The following ADGRL3 variants were observed in gnomAD, a reference collection of about 807,000 sequenced individuals.
ADGRL3 encodes the protein adhesion G protein-coupled receptor L3.
A neutral mutation model predicts 153.5 loss-of-function variants in ADGRL3; 62 were observed. The ratio of observed to expected loss-of-function variants is 0.40; its 90% confidence interval spans 0.33 to 0.50. ADGRL3 has a LOEUF of 0.50. ADGRL3 is among the 20% of genes least tolerant of loss of function. ADGRL3 has a pLI of 0.47. For synonymous variants in ADGRL3, 710 were observed against 672.5 expected, an observed-to-expected ratio of 1.06 and a Z score of -0.86; for missense variants, 1,641 against 1,859.4, an observed-to-expected ratio of 0.88 and a Z score of 2.16.
chr4:61,910,068 T>G (rs2098715269), intron 12 of ADGRL3, among the ~76,000 whole-genome samples: 1 of 152,094 alleles, frequency 6.6e-6, no homozygotes. Flanking sequence ...CTTTTTTCTT[T>G]CAAACTTTTA....
intron 23 of ADGRL3, among the ~76,000 whole-genome samples, chr4:62,034,589 A>G (rs2151549196): frequency 6.6e-6 from 1 of 151,980 alleles, no homozygotes; most frequent in African/African-American, 2.4e-5. Flanking sequence ...GTTAGGAGGT[A>G]CTTTTTCTTT....
intron 2 of ADGRL3, among the ~76,000 whole-genome samples, chr4:61,472,329 T>G (rs1015243968): frequency 6.6e-6 from 1 of 152,100 alleles, no homozygotes; most frequent in African/African-American, 2.4e-5. Flanking sequence ...AATCTGGATG[T>G]TACTTAACTA....
chr4:61,791,687 C>A (rs774076218), intron 8 of ADGRL3, among the ~76,000 whole-genome samples: 1 of 152,220 alleles, frequency 6.6e-6, no homozygotes, highest in African/African-American at 2.4e-5. Context: ...TCCATGTGGG[C>A]CACACCCCTG....
chr4:61,256,677 G>A (rs756530588), intron 1 of ADGRL3, among the ~76,000 whole-genome samples: 20 of 151,980 alleles, frequency 1.3e-4, no homozygotes, highest in South Asian at 4.2e-4. Flanking sequence ...CGAATGATTC[G>A]CTTTATGTTA....
chr4:61,374,863 C>T (rs979143764), intron 1 of ADGRL3, among the ~76,000 whole-genome samples: 1 of 151,890 alleles, frequency 6.6e-6, no homozygotes, highest in African/African-American at 2.4e-5. Flanking sequence ...AGTTAGAATA[C>T]ATTTATTGAT....
At chr4:61,542,152 T>A (rs1046412181) in intron 4 of ADGRL3, among the ~76,000 whole-genome samples, 1 of 152,174 alleles carries the variant, frequency 6.6e-6, no homozygotes, top group African/African-American at 2.4e-5. Context: ...TCTCATAAAA[T>A]GTTTAAGCTA....
intron 25 of ADGRL3, among the ~76,000 whole-genome samples, chr4:62,067,503 G>A (rs986622067): frequency 2.6e-5 from 4 of 151,970 alleles, no homozygotes; most frequent in African/African-American, 9.6e-5. Flanking sequence ...ATAAATAAAT[G>A]TAACCTTTTT....
chr4:61,495,693 C>G (rs1395218414), intron 2 of ADGRL3, among the ~76,000 whole-genome samples: 1 of 152,122 alleles, frequency 6.6e-6, no homozygotes, highest in African/African-American at 2.4e-5. Flanking sequence ...GGCAACTACA[C>G]TAGTTTGGTT....
rs1459920166 is a variant in ADGRL3, at chr4:61,469,285, G to A, written c.-173-27836G>A. The stretch of plus-strand genomic sequence containing the variant: ...TGTTTTGTGCCCAGTTTCCTCACCT[G>A]TAAAGTCAACTGATAATAACAGTGT... On this transcript the variant is annotated intron_variant, in intron 2 of 26. Transcript: ENST00000683033. Among the ~76,000 whole-genome samples the A allele has an allele frequency of 3.9e-5, 6 of 152,202 alleles. No homozygotes were observed. In the East Asian group the frequency reaches 1.2e-3, roughly 29 times the overall value.
chr4:61,770,089 C>G (rs2152298744), intron 8 of ADGRL3, among the ~76,000 whole-genome samples: 1 of 152,262 alleles, frequency 6.6e-6, no homozygotes, highest in African/African-American at 2.4e-5. Context: ...GAGTTTTATT[C>G]TAAAATTTTA....
chr4:61,483,455 A>G (rs1374596969), intron 2 of ADGRL3, among the ~76,000 whole-genome samples: 1 of 152,160 alleles, frequency 6.6e-6, no homozygotes, highest in East Asian at 1.9e-4. Context: ...AGAAAATTAA[A>G]GGCCTGGCGC....
intron 1 of ADGRL3, among the ~76,000 whole-genome samples, chr4:61,247,754 A>G (rs1056186748): frequency 3.3e-5 from 5 of 151,998 alleles, no homozygotes; most frequent in Admixed American, 3.3e-4. Flanking sequence ...TTTATGAGAA[A>G]TTGTTATTTT....
chr4:62,060,970 T>C (rs982016997), intron 25 of ADGRL3, among the ~76,000 whole-genome samples: 2 of 151,940 alleles, frequency 1.3e-5, no homozygotes, highest in African/African-American at 4.8e-5. Context: ...AAATACAGGA[T>C]GCAATCACAT....
chr4:61,914,091 G>T (rs1310920359), intron 13 of ADGRL3, among the ~76,000 whole-genome samples: 2 of 152,080 alleles, frequency 1.3e-5, no homozygotes, highest in Non-Finnish European at 1.5e-5. Flanking sequence ...ACACTTCAGA[G>T]GAATGAAAAT....
intron 2 of ADGRL3, among the ~76,000 whole-genome samples, chr4:61,471,182 T>C (rs906008960): frequency 3.3e-5 from 5 of 151,870 alleles, no homozygotes; most frequent in Admixed American, 6.6e-5. Flanking sequence ...TTTACTTGTT[T>C]ACTCTCTCAA....
Position 61,202,711 on chromosome 4 carries a change from A to G in ADGRL3, c.-240+946A>G, listed in dbSNP as rs976224402. On this transcript the variant is annotated intron_variant, in intron 1 of 26. Coordinates refer to ENST00000683033, the MANE Select transcript of ADGRL3 (RefSeq NM_001387552.1). This position sits in a 1 kb window ranked among gnomAD's most constrained non-coding sequence, Gnocchi z 5.0. Reference sequence around the variant, plus strand: ...CTCCGGTCCCACGTCGGAGCTCAGAAGCTTAGGGTGCCAGGCCCCCAGCAC... The same window carrying G: ...CTCCGGTCCCACGTCGGAGCTCAGAGGCTTAGGGTGCCAGGCCCCCAGCAC... Among the ~76,000 whole-genome samples, 105 of 152,012 alleles carry G rather than the reference A, an allele frequency of 6.9e-4. No individual in the cohort carries two copies. The highest frequency in any genetic ancestry group is 2.3e-3 in the African/African-American group (95 of 41,406).
At chr4:61,352,637 G>C (rs575616499) in intron 1 of ADGRL3, among the ~76,000 whole-genome samples, 20 of 152,014 alleles carry the variant, frequency 1.3e-4, no homozygotes, top group East Asian at 3.9e-4. Context: ...CACCCGCCTC[G>C]GCCTCCCAAA....
At chr4:61,593,441 C>G (rs542687402) in intron 5 of ADGRL3, among the ~76,000 whole-genome samples, 2 of 151,560 alleles carry the variant, frequency 1.3e-5, no homozygotes, top group East Asian at 3.9e-4. Flanking sequence ...TTTTTTATTT[C>G]TGATTGAAGA....
At chr4:61,788,492 C>T (rs2097303144) in intron 8 of ADGRL3, among the ~76,000 whole-genome samples, 1 of 152,154 alleles carries the variant, frequency 6.6e-6, no homozygotes, top group Non-Finnish European at 1.5e-5. Context: ...GAGGAGAGCA[C>T]CACATCAAGG....
Sources: allele counts gnomAD v4.1 joint callset (sites outside exome capture counted in the v4.1 genomes callset), GRCh38; gene constraint gnomAD v4.1.1; non-coding constraint Gnocchi (gnomAD v3.1); transcripts MANE v1.5; gene names NCBI Gene and HGNC (gene_info 2026-07-23, HGNC 2026-07-21).